SKA2: variants seen among roughly 807,000 people sequenced by gnomAD.
SKA2 encodes the protein spindle and kinetochore-associated protein 2.
In SKA2, 13 loss-of-function variants were observed where a neutral mutation model predicts 16.9. That is an observed-to-expected ratio of 0.77 (90% CI 0.50 to 1.22). The LOEUF is 1.22. Ranked by LOEUF, SKA2 falls within the 50% of genes most tolerant of loss-of-function variation. The pLI, the probability that SKA2 is intolerant of heterozygous loss-of-function variation, is 0.00. For synonymous variants in SKA2, 47 were observed against 48.5 expected (o/e 0.97, Z 0.13); for missense variants, 107 against 139.7 (o/e 0.77, Z 1.18).
At position 59,112,859 on chromosome 17, in the gene SKA2, A is replaced by G. The variant is rs187603612; in HGVS notation, c.298-514T>C. On this transcript the variant is annotated intron_variant, in intron 3 of 3. Coordinates refer to ENST00000330137, the MANE Select transcript of SKA2 (RefSeq NM_182620.4). Reference sequence around the variant, plus strand: ...TGTATTGTGGAAGGAATAAATGATAAGGAAAAAAGTCTACAGATGTTCAGT... The same window carrying G: ...TGTATTGTGGAAGGAATAAATGATAGGGAAAAAAGTCTACAGATGTTCAGT... 2.8e-3 allele frequency among the ~76,000 whole-genome samples: 426 copies of G among 152,232 alleles called. 1 individual carries two copies. The highest frequency in any genetic ancestry group is 4.0e-3 in the Non-Finnish European group (274 of 68,008).
chr17:59,131,509 A>C (rs1470400688), intron 1 of SKA2, 142 bp from the exon 2 acceptor site: 11 of 509,908 alleles, frequency 2.2e-5, no homozygotes. Context: ...TAAAAAGTAT[A>C]TAAAATATCC....
Position 59,135,474 on chromosome 17 carries a change from C to A in SKA2, c.34-4107G>T, listed in dbSNP as rs143637396. 6.2e-3 allele frequency among the ~76,000 whole-genome samples: 935 copies of A among 151,944 alleles called. 12 individuals carry two copies. Among genetic ancestry groups the A allele is most frequent in the African/African-American group, 0.022 (907 of 41,472 alleles). On this transcript the variant is annotated intron_variant, in intron 1 of 3. Coordinates refer to ENST00000330137, the MANE Select transcript of SKA2 (RefSeq NM_182620.4). ...GGGATTACAGGCACCCGCCACCACA[C>A]CCAGCTAATTTTTACTCATTTTAGT...
At chr17:59,118,722 C>T (rs1216381655) in intron 3 of SKA2, among the ~76,000 whole-genome samples, 3 of 152,152 alleles carry the variant, frequency 2.0e-5, no homozygotes, top group Non-Finnish European at 4.4e-5. Context: ...ATAACAGATA[C>T]ATCTAAGGTA....
At chr17:59,129,948 G>A (rs1414922548) in intron 2 of SKA2, among the ~76,000 whole-genome samples, 1 of 137,620 alleles carries the variant, frequency 7.3e-6, no homozygotes, top group Non-Finnish European at 1.6e-5. Flanking sequence ...AGAGAAAGAG[G>A]GAAGGAGGGA....
chr17:59,123,207 A>C (rs2046347619), intron 2 of SKA2, among the ~76,000 whole-genome samples: 1 of 151,300 alleles, frequency 6.6e-6, no homozygotes, highest in Admixed American at 6.6e-5. Flanking sequence ...TGGGTAGTAA[A>C]GTATTTAAAC....
chr17:59,129,886 T>A (rs1368403349), intron 2 of SKA2, among the ~76,000 whole-genome samples: 2 of 84,890 alleles, frequency 2.4e-5, no homozygotes, highest in Non-Finnish European at 2.1e-5. Context: ...AGAAGAAGGA[T>A]GGGAGGAAGG....
At chr17:59,148,614 G>T (rs1599680186) in intron 1 of SKA2, among the ~76,000 whole-genome samples, 1 of 151,460 alleles carries the variant, frequency 6.6e-6, no homozygotes, top group East Asian at 1.9e-4. Flanking sequence ...GAGATGAGGG[G>T]GTTTTGCCAT....
chr17:59,129,615 T>C (rs879863224), intron 2 of SKA2, among the ~76,000 whole-genome samples: 1 of 151,704 alleles, frequency 6.6e-6, no homozygotes, highest in East Asian at 1.9e-4. Context: ...CCCAGCACTT[T>C]AGGAGGCTGA....
Position 59,117,464 on chromosome 17 carries a change from A to T in SKA2, c.297+1855T>A, listed in dbSNP as rs373452244. Among the ~76,000 whole-genome samples, 194 of 152,294 alleles carry T rather than the reference A, an allele frequency of 1.3e-3. 3 individuals carry two copies. In the South Asian group the frequency reaches 0.036, roughly 28 times the overall value. ...CAGGCTGGAATTCAGTGGTGCAATC[A>T]TAGCTCACTGCAGCCTCAAACTTCT... is the stretch of plus-strand genomic sequence containing the variant. On this transcript the variant is annotated intron_variant, in intron 3 of 3. Coordinates refer to ENST00000330137, the MANE Select transcript of SKA2 (RefSeq NM_182620.4).
chr17:59,149,782 G>A (rs922541537), intron 1 of SKA2, among the ~76,000 whole-genome samples: 1 of 152,174 alleles, frequency 6.6e-6, no homozygotes, highest in African/African-American at 2.4e-5. Flanking sequence ...CAAGAAGCCA[G>A]ACACAAAAGA....
At chr17:59,154,378 G>A (rs1024026781) in intron 1 of SKA2, among the ~76,000 whole-genome samples, 1 of 152,114 alleles carries the variant, frequency 6.6e-6, no homozygotes, top group Non-Finnish European at 1.5e-5. Flanking sequence ...CCCCCGAGCA[G>A]GCCAAACACG....
At chr17:59,112,415 G>C in intron 3 of SKA2, 70 bp from the exon 4 acceptor site, 1 of 1,101,258 alleles carries the variant, frequency 9.1e-7, no homozygotes, top group East Asian at 2.4e-5. Context: ...GTTAACTTCT[G>C]CATTGTCACA....
chr17:59,145,432 A>T (rs748583088), intron 1 of SKA2, among the ~76,000 whole-genome samples: 1 of 151,958 alleles, frequency 6.6e-6, no homozygotes, highest in Non-Finnish European at 1.5e-5. Context: ...TGCCTGGAAT[A>T]TTTGCCCTCT....
At chr17:59,143,389 T>C (rs1305539002) in intron 1 of SKA2, among the ~76,000 whole-genome samples, 1 of 152,038 alleles carries the variant, frequency 6.6e-6, no homozygotes, top group Non-Finnish European at 1.5e-5. Flanking sequence ...ATTTGTTTTT[T>C]GTTTTAATTT....
intron 1 of SKA2, among the ~76,000 whole-genome samples, chr17:59,153,098 T>C (rs539130864): frequency 6.6e-6 from 1 of 152,320 alleles, no homozygotes; most frequent in Non-Finnish European, 1.5e-5. Context: ...CCTGTGAGAA[T>C]ACTGACTCTA....
intron 1 of SKA2, among the ~76,000 whole-genome samples, chr17:59,141,928 G>A (rs548494430): frequency 1.3e-5 from 2 of 152,108 alleles, no homozygotes; most frequent in East Asian, 3.9e-4. Context: ...CTTTGCTACT[G>A]GTGTCTCTCA....
chr17:59,148,155 GT>G (rs1411009524), intron 1 of SKA2, among the ~76,000 whole-genome samples: 2 of 152,102 alleles, frequency 1.3e-5, no homozygotes, highest in African/African-American at 4.8e-5. Context: ...AAGAAAAAAA[GT>G]TTTTAATTTT....
In SKA2 at chr17:59,126,059, T is replaced by C. The variant is rs565577411; in HGVS notation, c.120+5222A>G. On this transcript the variant is annotated intron_variant, in intron 2 of 3. Coordinates refer to ENST00000330137, the MANE Select transcript of SKA2 (RefSeq NM_182620.4). ...GGTGGCGGGTGCCTGTAGTCCCAGC[T>C]ACTCGGGAGGCTGAGGCAGGAGAAT... Among the ~76,000 whole-genome samples, 361 of 151,982 alleles carry C rather than the reference T, an allele frequency of 2.4e-3. 4 individuals carry two copies. Among genetic ancestry groups the C allele is most frequent in the African/African-American group, 8.3e-3 (345 of 41,506 alleles).
intron 1 of SKA2, among the ~76,000 whole-genome samples, chr17:59,149,335 T>A (rs1212533387): frequency 1.3e-5 from 2 of 151,908 alleles, no homozygotes; most frequent in African/African-American, 4.8e-5. Flanking sequence ...TAGTGAGACT[T>A]CATCTCTACA....
Sources: gnomAD v4.1 joint callset for allele counts (sites outside exome capture counted in the v4.1 genomes callset) on GRCh38, gnomAD v4.1.1 for gene constraint, MANE v1.5 for transcripts, NCBI Gene and HGNC (gene_info 2026-07-23, HGNC 2026-07-21) for gene names.